The following SLC35B2 variants were observed in gnomAD, a reference collection of about 807,000 sequenced individuals.
SLC35B2 encodes the protein solute carrier family 35 member B2.
SLC35B2 carries 19 observed loss-of-function variants against 37.9 expected under a neutral mutation model. The ratio of observed to expected loss-of-function variants is 0.50; its 90% CI spans 0.35 to 0.74. SLC35B2 has a LOEUF of 0.74. Ranked by LOEUF, SLC35B2 falls within the 30% of genes least tolerant of loss-of-function variation. The pLI is 0.01. For missense variants in SLC35B2, 633 were observed against 547.6 expected (o/e 1.16, Z -1.56); for synonymous variants, 277 against 225.2 (o/e 1.23, Z -2.06).
At chr6:44,257,566 C>T (rs2153329845), upstream of SLC35B2, 1 of 634,854 alleles carries the variant, frequency 1.6e-6, no homozygotes, top group African/African-American at 2.0e-5. Context: ...CGGCCCCCTC[C>T]GCCCCTGCCG....
intron 1 of SLC35B2, 133 bp from the exon 2 acceptor site, chr6:44,257,011 G>GA: frequency 1.0e-6 from 1 of 954,128 alleles, no homozygotes; most frequent in Non-Finnish European, 1.5e-6. Flanking sequence ...CGGACAAAGA[G>GA]CCTCTCTCTC....
chr6:44,255,518 C>A lies in SLC35B2; in HGVS notation c.487G>T (p.Ala163Ser). The A allele has an allele frequency of 1.2e-6, 2 of 1,614,200 alleles. No homozygotes were observed. The highest frequency in any genetic ancestry group is 1.7e-6 in the Non-Finnish European group (2 of 1,180,042). ...QFLVLMNRVL[A>S]LIVAGLSCVL... ...CAGGAGAGGCCAGCCACAATCAGTG[C>A]CAGCACTCGGTTCATTAGCACCAGG... Residue 163 changes from alanine (A) to serine (S), a missense_variant, in exon 4 of 4, where the codon GCA (alanine) becomes TCA (serine). Ala to Ser is a moderately conservative substitution (Grantham distance 99). Coordinates refer to ENST00000393812, the MANE Select transcript of SLC35B2 (RefSeq NM_178148.4).
chr6:44,255,755 T>C lies in SLC35B2; in HGVS notation c.361-111A>G, dbSNP rs568755941. 2.8e-4 allele frequency: 300 copies of C among 1,077,006 alleles called. 1 individual carries two copies. Among genetic ancestry groups the C allele is most frequent in the Middle Eastern group, 8.5e-4 (4 of 4,688 alleles). The allele number at this position is 1,077,006 out of a possible 1,614,324, so 66.7% of individuals were successfully genotyped here. A position where few individuals can be genotyped will look rare whatever the true frequency, so the allele number is the denominator to read the frequency against. On this transcript the variant is annotated intron_variant, in intron 3 of 3. Transcript: ENST00000393812. ...TGCCTAAGTGATTCAAAGGAAAATA[T>C]ACACTTTTTGGTTCCTCTGTAGAAG...
upstream of SLC35B2, chr6:44,257,531 C>T: frequency 1.0e-6 from 1 of 985,408 alleles, no homozygotes; most frequent in Non-Finnish European, 1.3e-6. Flanking sequence ...GCGGAAGTGC[C>T]GCGCTCTTCC....
At chr6:44,256,992 G>T in intron 1 of SLC35B2, 114 bp from the exon 2 acceptor site, 4 of 1,169,302 alleles carry the variant, frequency 3.4e-6, no homozygotes, top group Non-Finnish European at 4.7e-6. Context: ...CTCCGCTGCA[G>T]CTCCGGCCCG....
chr6:44,254,481 T>C lies in SLC35B2; in HGVS notation c.*225A>G. ...CTCCCCAAAACCCCTCACTGAGGAC[T>C]GTCTACCCCCGGGGCTCAGAATAAA... On this transcript the variant is annotated 3_prime_UTR_variant, in exon 4 of 4. Coordinates refer to ENST00000393812, the MANE Select transcript of SLC35B2 (RefSeq NM_178148.4). The C allele has an allele frequency of 3.6e-6, 2 of 551,218 alleles. No individual in the cohort carries two copies. The highest frequency in any genetic ancestry group is 6.4e-6 in the Non-Finnish European group (2 of 313,376). 34.1% of individuals were successfully genotyped at this position (551,218 alleles called of 1,614,324 possible). A position where few individuals can be genotyped will look rare whatever the true frequency, so the allele number is the denominator to read the frequency against.
rs1168552093 is a variant in SLC35B2, at chr6:44,255,035, G to A, written c.970C>T (p.Leu324=). The A allele has an allele frequency of 4.3e-6, 7 of 1,614,114 alleles. No individual in the cohort carries two copies. Among genetic ancestry groups the A allele is most frequent in the African/African-American group, 1.3e-5 (1 of 74,946 alleles). Reference sequence around the variant, plus strand: ...CCCATGAAGCGGGTTCCCTCCAGTAGGGCCCCCTGTTCTAGCAGTGAGCCC... The same window carrying A: ...CCCATGAAGCGGGTTCCCTCCAGTAAGGCCCCCTGTTCTAGCAGTGAGCCC... ...TVGSLLEQGA[L]LEGTRFMGRH... Residue 324 remains leucine (L), a synonymous_variant, in exon 4 of 4, where the codon CTA becomes TTA. Coordinates refer to ENST00000393812, the MANE Select transcript of SLC35B2 (RefSeq NM_178148.4).
chr6:44,255,218 T>G lies in SLC35B2; in HGVS notation c.787A>C (p.Ser263Arg). 1.2e-6 allele frequency: 2 copies of G among 1,614,204 alleles called. No homozygotes were observed. The highest frequency in any genetic ancestry group is 1.7e-6 in the Non-Finnish European group (2 of 1,180,042). Residue 263 changes from serine to arginine, a missense_variant, in exon 4 of 4, where the codon AGC (serine) becomes CGC (arginine). Coordinates refer to ENST00000393812, the MANE Select transcript of SLC35B2 (RefSeq NM_178148.4). ...FLLSSGPEPR[S>R]SPATTLSGLI... is the part of the protein sequence containing the mutation. Reference sequence around the variant, plus strand: ...CCTGAGAGTGTGGTGGCTGGGGAGCTGCGGGGCTCTGGTCCGCTGGATAGC... The same window carrying G: ...CCTGAGAGTGTGGTGGCTGGGGAGCGGCGGGGCTCTGGTCCGCTGGATAGC...
intron 1 of SLC35B2, 145 bp downstream of exon 1, chr6:44,257,255 A>G (rs1781649934): frequency 2.1e-6 from 2 of 941,722 alleles, no homozygotes; most frequent in Non-Finnish European, 1.4e-6. Context: ...ACCAAGCCGC[A>G]GCTCCCATCC....
At chr6:44,257,087 C>A in intron 1 of SLC35B2, 1 of 630,290 alleles carries the variant, frequency 1.6e-6, no homozygotes, top group Non-Finnish European at 2.6e-6. Flanking sequence ...TCCCCGGGGG[C>A]GGATCCGCCC....
chr6:44,254,948 G>T lies in SLC35B2; in HGVS notation c.1057C>A (p.Leu353Ile), dbSNP rs1009922118. 8 of 1,614,090 alleles carry T rather than the reference G, an allele frequency of 5.0e-6. No homozygotes were observed. In the Admixed American group the frequency reaches 1.2e-4, roughly 24 times the overall value. ...LLSICSACGQ[L>I]FIFYTIGQFG... ...TGCCCAATGGTGTAAAAGATGAAGA[G>T]CTGGCCACATGCGGAGCAGATGGAG... Residue 353 changes from leucine (L) to isoleucine (I), a missense_variant, in exon 4 of 4, where the codon CTC becomes ATC. By Grantham distance (5) the Leu-to-Ile change is conservative. Transcript: ENST00000393812.
intron 3 of SLC35B2, 94 bp downstream of exon 3, chr6:44,256,248 A>G (rs955138075): frequency 1.3e-6 from 2 of 1,485,340 alleles, no homozygotes; most frequent in African/African-American, 2.8e-5. Context: ...CACACCAGCC[A>G]GCAAAGCTCT....
At chr6:44,257,068 C>A in intron 1 of SLC35B2, 190 bp from the exon 2 acceptor site, 2 of 675,974 alleles carry the variant, frequency 3.0e-6, no homozygotes, top group Non-Finnish European at 4.8e-6. Context: ...CCAGGCAGAG[C>A]TTCCTCCCTC....
rs143766738 is a variant in SLC35B2 at position 44,255,510 on chromosome 6, A to C, written c.495T>G (p.Ile165Met). 3.0e-4 allele frequency: 491 copies of C among 1,614,102 alleles called. No homozygotes were observed. The highest frequency in any genetic ancestry group is 6.9e-5 in the Non-Finnish European group (81 of 1,180,040). Residue 165 changes from isoleucine to methionine, a missense_variant, in exon 4 of 4, where the codon ATT becomes ATG. Coordinates refer to ENST00000393812, the MANE Select transcript of SLC35B2 (RefSeq NM_178148.4). The part of the protein sequence containing the change: ...LVLMNRVLAL[I>M]VAGLSCVLCK... ...AGAGAACACAGGAGAGGCCAGCCAC[A>C]ATCAGTGCCAGCACTCGGTTCATTA...
intron 1 of SLC35B2, 162 bp downstream of exon 1, chr6:44,257,238 G>T: frequency 1.3e-6 from 1 of 787,760 alleles, no homozygotes; most frequent in Non-Finnish European, 1.8e-6. Context: ...TCCCCAAGGA[G>T]CACAAAACCA....
At position 44,257,480 on chromosome 6, in the gene SLC35B2, C is replaced by CCCG. The variant is rs1781697608; in HGVS notation, c.-73_-71dup. ...CCCCGGGCCGCGCGCCCCCTGCGCT[C>CCCG]CCGCCGCCGCCTCCAGGAGCGGCCA... On this transcript the variant is annotated 5_prime_UTR_variant, in exon 1 of 4. Transcript: ENST00000393812. 1 of 1,228,358 alleles carries CCCG rather than the reference C, an allele frequency of 8.1e-7. No individual in the cohort carries two copies. Among genetic ancestry groups the CCCG allele is most frequent in the Admixed American group, 4.3e-5 (1 of 23,444 alleles). 76.1% of individuals were successfully genotyped at this position (1,228,358 alleles called of 1,614,324 possible).
rs1361501310 is a variant in SLC35B2 at position 44,255,796 on chromosome 6, T to G, written c.361-152A>C. On this transcript the variant is annotated intron_variant, in intron 3 of 3. Transcript: ENST00000393812. ...TCTGTAGAAGTTTCTTCTCCCCTCC[T>G]AAGTCTGGATTCACCTTGTAGGGAA... The G allele has an allele frequency of 1.9e-5, 14 of 734,140 alleles. No individual in the cohort carries two copies. The South Asian group carries it at 2.5e-4, about 13-fold the overall frequency. 45.5% of individuals were successfully genotyped at this position (734,140 alleles called of 1,614,324 possible).
At chr6:44,255,877 CTG>C (rs773680770) in intron 3 of SLC35B2, among the ~76,000 whole-genome samples, 2 of 152,270 alleles carry the variant, frequency 1.3e-5, no homozygotes, top group East Asian at 1.9e-4. Context: ...AATTGGGTAT[CTG>C]TAGTTCAACA....
chr6:44,257,229 C>T (rs944758853), intron 1 of SLC35B2, 171 bp downstream of exon 1: 31 of 728,422 alleles, frequency 4.3e-5, no homozygotes, highest in Middle Eastern at 8.7e-4. Context: ...GCCCGAAGCT[C>T]CCCAAGGAGC....
Sources: allele counts gnomAD v4.1 joint callset (sites outside exome capture counted in the v4.1 genomes callset), GRCh38; gene constraint gnomAD v4.1.1; transcripts MANE v1.5; gene names NCBI Gene and HGNC (gene_info 2026-07-23, HGNC 2026-07-21).